SOX30: variants seen among roughly 807,000 people sequenced by gnomAD.
The protein encoded by SOX30 is transcription factor SOX-30.
In SOX30, 17 loss-of-function variants were observed where a neutral mutation model predicts 58.6. That is an observed-to-expected ratio of 0.29 (90% confidence interval 0.20 to 0.44). SOX30 has a LOEUF of 0.44. Ranked by LOEUF, SOX30 falls within the 20% of genes least tolerant of loss-of-function variation. The pLI, the probability that SOX30 is intolerant of heterozygous loss-of-function variation, is 1.00. For missense variants in SOX30, 951 were observed against 965.8 expected, an observed-to-expected ratio of 0.98 and a Z score of 0.20; for synonymous variants, 421 against 400.2, an observed-to-expected ratio of 1.05 and a Z score of -0.62.
At chr5:157,662,651 A>G (rs1170589280) in intron 2 of SOX30, among the ~76,000 whole-genome samples, 2 of 152,120 alleles carry the variant, frequency 1.3e-5, no homozygotes, top group Non-Finnish European at 2.9e-5. Context: ...CAGCCAGGGA[A>G]CTCTAAAACT....
Position 157,651,474 on chromosome 5 carries a change from T to C in SOX30, c.605A>G (p.Lys202Arg), listed in dbSNP as rs1383583141. The C allele has an allele frequency of 1.9e-6, 3 of 1,613,302 alleles. No homozygotes were observed. The highest frequency in any genetic ancestry group is 2.2e-5 in the South Asian group (2 of 91,088). The change falls in exon 1 of 5, where the codon AAA (lysine) becomes AGA (arginine). Residue 202 changes from lysine (K) to arginine (R), a missense_variant. Coordinates refer to ENST00000265007, the MANE Select transcript of SOX30 (RefSeq NM_178424.2). ...ACCTTCTCGGATGGCTGCCGGGCTT[T>C]TGCCTGCCCCGCCTTGCATCGAGTC... ...MRDSMQGGAGKSPAAIREGVI... is the reference protein window; with the variant it reads ...MRDSMQGGAGRSPAAIREGVI...
intron 1 of SOX30, among the ~76,000 whole-genome samples, chr5:157,668,798 A>G (rs886901678): frequency 2.0e-5 from 3 of 152,130 alleles, no homozygotes; most frequent in Non-Finnish European, 4.4e-5. Flanking sequence ...GAAACCATAT[A>G]GCTGTCTTGT....
In SOX30 at chr5:157,638,362, G is replaced by A. The variant is rs1581393052; in HGVS notation, c.1748C>T (p.Ala583Val). The change falls in exon 4 of 5, where the codon GCT becomes GTT. Residue 583 changes from alanine (A) to valine (V), a missense_variant. Ala to Val is a moderately conservative substitution (Grantham distance 64). This residue lies in a region of SOX30 where 381 missense variants were observed against 390.0 expected (regional missense o/e 0.98). Transcript: ENST00000265007. The stretch of plus-strand genomic sequence containing the variant: ...GACATGTGGGTGTGGAATGGGAGAA[G>A]CCTGGGGGATTGGAGCACTTCTGGG... ...PCPRSAPIPQ[A>V]SPIPHPHVYQ... The A allele has an allele frequency of 1.9e-6, 3 of 1,613,806 alleles. No homozygotes were observed. In the East Asian group the frequency reaches 6.7e-5, roughly 36 times the overall value.
intron 2 of SOX30, among the ~76,000 whole-genome samples, chr5:157,662,785 A>C (rs1759601378): frequency 6.6e-6 from 1 of 152,186 alleles, no homozygotes; most frequent in Non-Finnish European, 1.5e-5. Context: ...TCTTCTCTCT[A>C]ATGCCTGCTG....
At chr5:157,627,561 A>C (rs1298281534) in intron 4 of SOX30, among the ~76,000 whole-genome samples, 1 of 152,236 alleles carries the variant, frequency 6.6e-6, no homozygotes, top group Non-Finnish European at 1.5e-5. Flanking sequence ...GACATTCAAT[A>C]ATAAAGTAAA....
Position 157,651,542 on chromosome 5 carries a change from T to A in SOX30, c.537A>T (p.Arg179=). The change falls in exon 1 of 5, where the codon CGA becomes CGT. Residue 179 remains arginine, a synonymous_variant. Transcript: ENST00000265007. ...CCTCCAGCTTGCCCTTCTCGTCCCC[T>A]CGGAAGTAGCCGAGGGCCGGCCCGG... ...EGPGPALGYF[R]GDEKGKLEAE... 6.2e-7 allele frequency: 1 copy of A among 1,612,990 alleles called. No individual in the cohort carries two copies. Among genetic ancestry groups the A allele is most frequent in the Non-Finnish European group, 8.5e-7 (1 of 1,179,970 alleles).
At chr5:157,650,823 G>A (rs532665057) in intron 1 of SOX30, among the ~76,000 whole-genome samples, 2 of 152,250 alleles carry the variant, frequency 1.3e-5, no homozygotes, top group Non-Finnish European at 2.9e-5. Context: ...TGAGGGCTAT[G>A]CGCTGTCTAG....
chr5:157,671,393 A>G, exon 1 of SOX30: 1 of 551,958 alleles, frequency 1.8e-6, no homozygotes, highest in Admixed American at 3.6e-5. Flanking sequence ...ACCACGGCGG[A>G]TGCCGAGGGA....
At chr5:157,640,161 C>A (rs1201450408) in intron 3 of SOX30, among the ~76,000 whole-genome samples, 1 of 152,172 alleles carries the variant, frequency 6.6e-6, no homozygotes, top group Non-Finnish European at 1.5e-5. Flanking sequence ...TAGTGTAAAT[C>A]TTTGTGATTA....
chr5:157,653,590 G>A (rs530757742), upstream of SOX30, among the ~76,000 whole-genome samples: 1 of 152,216 alleles, frequency 6.6e-6, no homozygotes, highest in Non-Finnish European at 1.5e-5. Flanking sequence ...CCTTTTAGTA[G>A]GATTGTGTTT....
intron 2 of SOX30, among the ~76,000 whole-genome samples, chr5:157,661,233 A>C (rs1395827854): frequency 6.6e-6 from 1 of 152,220 alleles, no homozygotes; most frequent in East Asian, 1.9e-4. Context: ...GAAAGCATCC[A>C]GTCATTCACC....
chr5:157,664,249 T>C (rs1759628300), intron 2 of SOX30, among the ~76,000 whole-genome samples: 3 of 152,128 alleles, frequency 2.0e-5, no homozygotes, highest in African/African-American at 4.8e-5. Flanking sequence ...ACCAGAGATA[T>C]AGACCAATGG....
In SOX30 at chr5:157,651,260, G is replaced by T. The variant is rs1296548842; in HGVS notation, c.819C>A (p.Ile273=). 2 of 1,614,072 alleles carry T rather than the reference G, an allele frequency of 1.2e-6. No homozygotes were observed. The highest frequency in any genetic ancestry group is 1.7e-6 in the Non-Finnish European group (2 of 1,180,048). Residue 273 remains isoleucine, a synonymous_variant, in exon 1 of 5, where the codon ATC becomes ATA. Coordinates refer to ENST00000265007, the MANE Select transcript of SOX30 (RefSeq NM_178424.2). ...TLHTVPPGAR[I]QFQGAPPSEL... is the part of the protein sequence containing the mutation. ...CTGAAGGCGGAGCTCCCTGAAACTG[G>T]ATCCGGGCCCCAGGGGGGACCGTGT...
At chr5:157,634,826 T>C (rs1369987731) in intron 4 of SOX30, among the ~76,000 whole-genome samples, 2 of 151,960 alleles carry the variant, frequency 1.3e-5, no homozygotes, top group Admixed American at 6.6e-5. Context: ...TTTTGTATTT[T>C]TAGTAGAGAC....
At chr5:157,669,355 G>C (rs1042173516) in intron 1 of SOX30, among the ~76,000 whole-genome samples, 2 of 151,884 alleles carry the variant, frequency 1.3e-5, no homozygotes, top group Non-Finnish European at 2.9e-5. Context: ...CACCACACTC[G>C]GCTAATTTTT....
At chr5:157,670,303 C>CT (rs35962608) in intron 1 of SOX30, among the ~76,000 whole-genome samples, 2 of 152,210 alleles carry the variant, frequency 1.3e-5, no homozygotes, top group South Asian at 2.1e-4. Context: ...GTCATGGCCC[C>CT]TTTTTTCAGA....
In SOX30 at chr5:157,651,095, C is replaced by A. The variant is rs1188808600; in HGVS notation, c.967+17G>T. The A allele has an allele frequency of 1.3e-6, 2 of 1,510,342 alleles. No individual in the cohort carries two copies. Among genetic ancestry groups the A allele is most frequent in the African/African-American group, 2.8e-5 (2 of 71,726 alleles). The allele number at this position is 1,510,342 out of a possible 1,614,324, so 93.6% of individuals were successfully genotyped here. On this transcript the variant is annotated intron_variant, in intron 1 of 4. Transcript: ENST00000265007. ...CAGACGCAGTTTTGAAAACCCGACT[C>A]CCCTGCTGTCTAATACCTGCATCTG...
chr5:157,630,359 A>G (rs1414358265), intron 4 of SOX30, among the ~76,000 whole-genome samples: 3 of 152,098 alleles, frequency 2.0e-5, no homozygotes, highest in Non-Finnish European at 4.4e-5. Flanking sequence ...GTTTCTTTGC[A>G]TGTCTTGTAA....
rs185382407 is a variant in SOX30, at chr5:157,648,236, A to C, written c.1207+421T>G. The stretch of plus-strand genomic sequence containing the variant: ...AAGGCAGGACTATGTTCTGACAATC[A>C]TATGTTAAAATGGAATATGGTGACA... On this transcript the variant is annotated intron_variant, in intron 2 of 4. Coordinates refer to ENST00000265007, the MANE Select transcript of SOX30 (RefSeq NM_178424.2). 3.5e-3 allele frequency among the ~76,000 whole-genome samples: 526 copies of C among 152,318 alleles called. 3 individuals are homozygous for C. Among genetic ancestry groups the C allele is most frequent in the African/African-American group, 0.012 (504 of 41,568 alleles).
Sources: allele counts gnomAD v4.1 joint callset (sites outside exome capture counted in the v4.1 genomes callset), GRCh38; gene constraint gnomAD v4.1.1; regional missense constraint gnomAD v4.1.1; transcripts MANE v1.5; gene names NCBI Gene and HGNC (gene_info 2026-07-23, HGNC 2026-07-21).